Variants in MAPK8 observed in about 807,000 individuals in gnomAD.
MAPK8 encodes JUN N-terminal kinase.
Under a neutral mutation model 52.9 loss-of-function variants are expected in MAPK8, and 13 were observed. The ratio of observed to expected loss-of-function variants is 0.25; its 90% CI spans 0.16 to 0.39. The LOEUF (loss-of-function observed/expected upper bound fraction) is 0.39. Among genes scored for constraint, MAPK8 ranks in the 10% least tolerant of loss-of-function variants. The probability of loss-of-function intolerance (pLI) is 1.00; values close to 1 mark genes in which losing one functional copy is unlikely to be tolerated. For missense variants in MAPK8, 300 were observed against 519.2 expected, an observed-to-expected ratio of 0.58 and a Z score of 4.10; for synonymous variants, 191 against 169.8, an observed-to-expected ratio of 1.12 and a Z score of -0.97.
At chr10:48,416,488 CCTT>C (rs1236636865) in intron 5 of MAPK8, among the ~76,000 whole-genome samples, 1 of 152,162 alleles carries the variant, frequency 6.6e-6, no homozygotes, top group East Asian at 1.9e-4. Flanking sequence ...TTATTCCACA[CCTT>C]CTTAAGGGAA....
chr10:48,385,330 G>C (rs565600437), intron 1 of MAPK8, among the ~76,000 whole-genome samples: 1 of 151,968 alleles, frequency 6.6e-6, no homozygotes, highest in Non-Finnish European at 1.5e-5. Context: ...TGACATTCAT[G>C]AATCAAAAAA....
chr10:48,315,008 A>C (rs1295571761), intron 1 of MAPK8, among the ~76,000 whole-genome samples: 1 of 152,184 alleles, frequency 6.6e-6, no homozygotes, highest in Non-Finnish European at 1.5e-5. Context: ...TTCCACGTGT[A>C]TTTGGTACCA....
chr10:48,360,747 A>G (rs1847443649), intron 1 of MAPK8, among the ~76,000 whole-genome samples: 1 of 152,220 alleles, frequency 6.6e-6, no homozygotes, highest in Admixed American at 6.5e-5. Context: ...AAGTTTGGTA[A>G]GAGCCAAAAC....
chr10:48,423,948 A>C, intron 6 of MAPK8, 140 bp from the exon 7 acceptor site: 1 of 509,766 alleles, frequency 2.0e-6, no homozygotes, highest in Non-Finnish European at 3.4e-6. Context: ...GTTTTAAATT[A>C]TTCCGTTAGC....
chr10:48,430,932 C>G, intron 10 of MAPK8: 1 of 476,516 alleles, frequency 2.1e-6, no homozygotes, highest in Non-Finnish European at 3.7e-6. Context: ...AGCTTCTACC[C>G]CAGCACTATC....
chr10:48,352,469 C>T (rs547618209), intron 1 of MAPK8, among the ~76,000 whole-genome samples: 1 of 152,202 alleles, frequency 6.6e-6, no homozygotes, highest in Non-Finnish European at 1.5e-5. Context: ...ATTGATTCAA[C>T]ATTTGAAAAT....
At chr10:48,317,793 T>C (rs1408267650) in intron 1 of MAPK8, among the ~76,000 whole-genome samples, 1 of 152,202 alleles carries the variant, frequency 6.6e-6, no homozygotes, top group Non-Finnish European at 1.5e-5. Context: ...CTGTGGTTTC[T>C]GTTTGCTCAA....
intron 1 of MAPK8, among the ~76,000 whole-genome samples, chr10:48,369,783 T>C (rs567720082): frequency 1.3e-5 from 2 of 152,176 alleles, no homozygotes; most frequent in Non-Finnish European, 2.9e-5. Flanking sequence ...AGAAAAGTGC[T>C]TCAGGCAGGA....
intron 1 of MAPK8, among the ~76,000 whole-genome samples, chr10:48,344,770 A>G (rs1324216706): frequency 2.0e-5 from 3 of 152,230 alleles, no homozygotes; most frequent in Non-Finnish European, 4.4e-5. Context: ...TGTGTTTGTC[A>G]ATATGCCCAA....
intron 10 of MAPK8, among the ~76,000 whole-genome samples, chr10:48,429,571 T>C (rs2044005993): frequency 2.0e-5 from 3 of 152,230 alleles, no homozygotes; most frequent in Admixed American, 2.0e-4. Flanking sequence ...TTCTTCTGCC[T>C]TAATCCCTTT....
intron 1 of MAPK8, among the ~76,000 whole-genome samples, chr10:48,390,240 G>A (rs1416912314): frequency 6.6e-6 from 1 of 152,138 alleles, no homozygotes; most frequent in African/African-American, 2.4e-5. Context: ...ATCACAGAGT[G>A]CAGTCAGCTT....
chr10:48,409,819 C>T, intron 3 of MAPK8, 60 bp from the exon 4 acceptor site: 1 of 1,143,698 alleles, frequency 8.7e-7, no homozygotes, highest in Non-Finnish European at 1.3e-6. Flanking sequence ...ATTTGTAGTT[C>T]CCAAATTAAA....
chr10:48,389,684 CT>C lies in MAPK8; in HGVS notation c.-49-11927del, dbSNP rs375332030. On this transcript the variant is annotated intron_variant, in intron 1 of 11. Coordinates refer to ENST00000374189, the MANE Select transcript of MAPK8 (RefSeq NM_001323329.2). Reference sequence around the variant, plus strand: ...CATTCAACACTTTTTTGAATGTCTGCTGTTAGCCAGGTACTACTCAAGGCAC... The same window carrying C: ...CATTCAACACTTTTTTGAATGTCTGCGTTAGCCAGGTACTACTCAAGGCAC... 9.3e-4 allele frequency among the ~76,000 whole-genome samples: 142 copies of C among 152,270 alleles called. 1 individual carries two copies. Among genetic ancestry groups the C allele is most frequent in the African/African-American group, 3.3e-3 (137 of 41,548 alleles).
intron 1 of MAPK8, among the ~76,000 whole-genome samples, chr10:48,346,557 G>C (rs78979162): frequency 0.03 from 4,606 of 152,240 alleles, 82 homozygotes; most frequent in Non-Finnish European, 0.04. Flanking sequence ...GCAGGGGGGA[G>C]GGTCTCCCTT....
chr10:48,348,870 G>A (rs1159595610), intron 1 of MAPK8, among the ~76,000 whole-genome samples: 1 of 151,708 alleles, frequency 6.6e-6, no homozygotes, highest in Non-Finnish European at 1.5e-5. Context: ...GGCTATACGG[G>A]CTCTTTTTTG....
At chr10:48,343,390 T>C (rs1845485861) in intron 1 of MAPK8, among the ~76,000 whole-genome samples, 1 of 152,210 alleles carries the variant, frequency 6.6e-6, no homozygotes, top group Non-Finnish European at 1.5e-5. Context: ...CAGACAGCTG[T>C]AATGACATTT....
At chr10:48,385,935 G>A (rs2041286531) in intron 1 of MAPK8, among the ~76,000 whole-genome samples, 1 of 151,904 alleles carries the variant, frequency 6.6e-6, no homozygotes, top group Non-Finnish European at 1.5e-5. Flanking sequence ...ATTTGCCATG[G>A]AATCTTTTTT....
At chr10:48,315,787 C>T (rs1170280448) in intron 1 of MAPK8, among the ~76,000 whole-genome samples, 1 of 151,088 alleles carries the variant, frequency 6.6e-6, no homozygotes, top group African/African-American at 2.4e-5. Flanking sequence ...TTATGTCATG[C>T]CAGCTTTTTT....
chr10:48,321,210 T>C (rs1200702375), intron 1 of MAPK8, among the ~76,000 whole-genome samples: 1 of 145,590 alleles, frequency 6.9e-6, no homozygotes, highest in African/African-American at 2.5e-5. Context: ...TGATCCTCCC[T>C]CCCCAGCCTC....
Sources: gnomAD v4.1 joint callset for allele counts (sites outside exome capture counted in the v4.1 genomes callset) on GRCh38, gnomAD v4.1.1 for gene constraint, MANE v1.5 for transcripts, NCBI Gene and HGNC (gene_info 2026-07-23, HGNC 2026-07-21) for gene names.